EYS: variants seen among roughly 807,000 people sequenced by gnomAD.
EYS encodes the protein EGF-like photoreceptor maintenance factor.
A neutral mutation model predicts 282.1 loss-of-function variants in EYS; 250 were observed. The observed-to-expected ratio is 0.89, with a 90% CI of 0.80 to 0.98. The LOEUF (loss-of-function observed/expected upper bound fraction) is 0.98. Among genes scored for constraint, EYS ranks in the 50% least tolerant of loss-of-function variants. EYS has a pLI of 0.00. For synonymous variants in EYS, 1,355 were observed against 1,282.9 expected (o/e 1.06, Z -1.20); for missense variants, 4,016 against 3,709.0 (o/e 1.08, Z -2.15).
chr6:64,684,342 TA>T (rs1770009345), intron 22 of EYS, among the ~76,000 whole-genome samples: 1 of 151,984 alleles, frequency 6.6e-6, no homozygotes, highest in Non-Finnish European at 1.5e-5. Flanking sequence ...GAAACCTAAG[TA>T]AAAAAAGATA....
chr6:65,504,067 G>A (rs1766561132), intron 2 of EYS, among the ~76,000 whole-genome samples: 1 of 151,314 alleles, frequency 6.6e-6, no homozygotes, highest in African/African-American at 2.4e-5. Flanking sequence ...TTATATTGAG[G>A]CTCCCAATCA....
intron 22 of EYS, among the ~76,000 whole-genome samples, chr6:64,751,243 G>A (rs569311322): frequency 6.6e-6 from 1 of 152,160 alleles, no homozygotes. Context: ...TGGAGCTTAA[G>A]CTGCCCCACC....
chr6:64,172,810 C>G (rs1764521642), intron 31 of EYS, among the ~76,000 whole-genome samples: 2 of 152,048 alleles, frequency 1.3e-5, no homozygotes, highest in Admixed American at 6.6e-5. Flanking sequence ...GAGCAGGAAC[C>G]CTATTGTGAA....
At chr6:64,617,641 G>C (rs558371201) in intron 23 of EYS, 108 bp from the exon 24 acceptor site, 1 of 689,158 alleles carries the variant, frequency 1.5e-6, no homozygotes, top group African/African-American at 1.8e-5. Flanking sequence ...AATTATGCTA[G>C]ATGTTTTGTA....
chr6:65,445,792 C>T (rs557403320), intron 5 of EYS, among the ~76,000 whole-genome samples: 1 of 151,688 alleles, frequency 6.6e-6, no homozygotes, highest in Non-Finnish European at 1.5e-5. Flanking sequence ...TATTGATGTT[C>T]TCTGAACTTC....
intron 29 of EYS, among the ~76,000 whole-genome samples, chr6:64,317,682 T>A (rs997046117): frequency 6.6e-6 from 1 of 152,132 alleles, no homozygotes; most frequent in Non-Finnish European, 1.5e-5. Context: ...TTACTGGGTA[T>A]GTAACCAAGG....
intron 12 of EYS, among the ~76,000 whole-genome samples, chr6:65,173,861 C>T (rs1420812984): frequency 2.0e-5 from 3 of 151,026 alleles, no homozygotes; most frequent in Non-Finnish European, 4.5e-5. Context: ...CATAGTAAGG[C>T]TAAATCTTAA....
At chr6:65,324,735 G>A (rs902864291) in intron 11 of EYS, among the ~76,000 whole-genome samples, 1 of 152,178 alleles carries the variant, frequency 6.6e-6, no homozygotes, top group Non-Finnish European at 1.5e-5. Context: ...GCTCTGCTGT[G>A]TGACTTGGAA....
chr6:65,247,349 A>G (rs1767205680), intron 12 of EYS, among the ~76,000 whole-genome samples: 1 of 152,054 alleles, frequency 6.6e-6, no homozygotes, highest in East Asian at 1.9e-4. Context: ...TTTATTTGAG[A>G]AGTTTCCTCT....
At chr6:63,842,011 T>C (rs948261889) in intron 36 of EYS, among the ~76,000 whole-genome samples, 1 of 152,230 alleles carries the variant, frequency 6.6e-6, no homozygotes, top group Admixed American at 6.5e-5. Context: ...CTATCATTGA[T>C]GGGCATTCAG....
In EYS at chr6:65,109,671, A is replaced by C. The variant is rs188742960; in HGVS notation, c.2024-51944T>G. On this transcript the variant is annotated intron_variant, in intron 12 of 42. Coordinates refer to ENST00000503581, the MANE Select transcript of EYS (RefSeq NM_001142800.2). ...AACTCCTTACATAAAAAAAAAAAAAACACCTTTTTTTCATGTGTGTCCCTG... is the reference window on the plus strand; with the variant it reads ...AACTCCTTACATAAAAAAAAAAAAACCACCTTTTTTTCATGTGTGTCCCTG... Among the ~76,000 whole-genome samples the C allele has an allele frequency of 4.5e-3, 680 of 149,684 alleles. 5 individuals carry two copies. The highest frequency in any genetic ancestry group is 0.016 in the African/African-American group (643 of 40,494).
chr6:64,774,363 T>G (rs1773615562), intron 22 of EYS, among the ~76,000 whole-genome samples: 1 of 151,880 alleles, frequency 6.6e-6, no homozygotes, highest in African/African-American at 2.4e-5. Flanking sequence ...GGCTTGTGAT[T>G]GGTATTATTT....
intron 8 of EYS, among the ~76,000 whole-genome samples, chr6:65,375,596 T>A (rs138142529): frequency 6.6e-6 from 1 of 151,808 alleles, no homozygotes; most frequent in Non-Finnish European, 1.5e-5. Context: ...TCCTCTGAGC[T>A]AAAGGAAGCA....
chr6:64,345,657 T>A (rs1477105759), intron 29 of EYS, among the ~76,000 whole-genome samples: 1 of 152,044 alleles, frequency 6.6e-6, no homozygotes, highest in Non-Finnish European at 1.5e-5. Flanking sequence ...ACTTCATGTC[T>A]AAAACACCAA....
chr6:64,973,615 C>T (rs1770373644), intron 14 of EYS, among the ~76,000 whole-genome samples: 1 of 151,858 alleles, frequency 6.6e-6, no homozygotes, highest in Admixed American at 6.6e-5. Flanking sequence ...TGAATGAGTG[C>T]ATAAACTAAT....
chr6:65,253,707 C>T (rs1235044270), intron 12 of EYS, among the ~76,000 whole-genome samples: 2 of 151,726 alleles, frequency 1.3e-5, no homozygotes, highest in African/African-American at 4.8e-5. Context: ...TAGACCATAG[C>T]TATATTTGAG....
chr6:64,281,819 T>C (rs922286877), intron 30 of EYS, among the ~76,000 whole-genome samples: 5 of 152,094 alleles, frequency 3.3e-5, no homozygotes, highest in African/African-American at 9.7e-5. Flanking sequence ...AGCAATGTAT[T>C]AATAGAAGAA....
At chr6:64,711,803 G>A (rs528286444) in intron 22 of EYS, among the ~76,000 whole-genome samples, 46 of 152,178 alleles carry the variant, frequency 3.0e-4, no homozygotes, top group African/African-American at 9.6e-4. Context: ...TCTCTTCCCC[G>A]AAGTCAGGCC....
chr6:65,139,101 A>G (rs1485479528), intron 12 of EYS, among the ~76,000 whole-genome samples: 3 of 152,100 alleles, frequency 2.0e-5, no homozygotes, highest in African/African-American at 7.2e-5. Context: ...AATGAAATAT[A>G]AATTATTTTA....
Sources: gnomAD v4.1 joint callset for allele counts (sites outside exome capture counted in the v4.1 genomes callset) on GRCh38, gnomAD v4.1.1 for gene constraint, MANE v1.5 for transcripts, NCBI Gene and HGNC (gene_info 2026-07-23, HGNC 2026-07-21) for gene names.